The following ANTXR1 variants were observed in gnomAD, a reference collection of about 807,000 sequenced individuals.
ANTXR1 encodes the protein ANTXR cell adhesion molecule 1.
Under a neutral mutation model 78.1 loss-of-function variants are expected in ANTXR1, and 19 were observed. The ratio of observed to expected loss-of-function variants is 0.24; its 90% CI spans 0.17 to 0.36. ANTXR1 has a LOEUF of 0.36. ANTXR1 is among the 10% of genes least tolerant of loss of function. The pLI, the probability that ANTXR1 is intolerant of heterozygous loss-of-function variation, is 1.00. For synonymous variants in ANTXR1, 273 were observed against 260.5 expected (o/e 1.05, Z -0.46); for missense variants, 518 against 718.6 (o/e 0.72, Z 3.19).
At chr2:69,099,060 A>T (rs1048346187) in intron 9 of ANTXR1, among the ~76,000 whole-genome samples, 2 of 152,152 alleles carry the variant, frequency 1.3e-5, no homozygotes, top group African/African-American at 4.8e-5. Context: ...CTAATTCCAG[A>T]ATATTTTCAT....
At chr2:69,147,796 A>T (rs945122068) in intron 12 of ANTXR1, among the ~76,000 whole-genome samples, 2 of 152,286 alleles carry the variant, frequency 1.3e-5, no homozygotes, top group South Asian at 2.1e-4. Context: ...AGTGAGTTAC[A>T]TATCTTCACT....
At chr2:69,034,798 G>GT (rs1272683105) in intron 1 of ANTXR1, among the ~76,000 whole-genome samples, 1 of 152,180 alleles carries the variant, frequency 6.6e-6, no homozygotes, top group Admixed American at 6.5e-5. Context: ...TCTGAAGATG[G>GT]TATCAGGACT....
rs372156467 is a variant in ANTXR1, at chr2:69,184,621, G to A, written c.1353+1961G>A. Among the ~76,000 whole-genome samples, 15 of 152,192 alleles carry A rather than the reference G, an allele frequency of 9.9e-5. No individual in the cohort carries two copies. In the East Asian group the frequency reaches 1.5e-3, roughly 16 times the overall value. On this transcript the variant is annotated intron_variant, in intron 16 of 17. Coordinates refer to ENST00000303714, the MANE Select transcript of ANTXR1 (RefSeq NM_032208.3). ...AACATTAATTCTGTTTGAAAACTCCGGTTTCTACTTGAGAGCATAGTCCTC... is the reference window on the plus strand; with the variant it reads ...AACATTAATTCTGTTTGAAAACTCCAGTTTCTACTTGAGAGCATAGTCCTC...
intron 3 of ANTXR1, among the ~76,000 whole-genome samples, chr2:69,061,981 T>C (rs111540872): frequency 0.015 from 2,218 of 152,316 alleles, 56 homozygotes; most frequent in African/African-American, 0.051. Context: ...TCCGTGAGGC[T>C]AGTAGAGATG....
At chr2:69,154,137 G>T (rs958784074) in intron 13 of ANTXR1, among the ~76,000 whole-genome samples, 2 of 152,160 alleles carry the variant, frequency 1.3e-5, no homozygotes, top group Non-Finnish European at 2.9e-5. Context: ...GTTATTGGAA[G>T]CAATGTCACC....
intron 8 of ANTXR1, among the ~76,000 whole-genome samples, chr2:69,078,524 C>T (rs1331052244): frequency 6.6e-6 from 1 of 152,178 alleles, no homozygotes; most frequent in African/African-American, 2.4e-5. Flanking sequence ...GCTGCTCTCC[C>T]TTCAGGGTTT....
intron 12 of ANTXR1, among the ~76,000 whole-genome samples, chr2:69,149,639 G>A (rs1463512774): frequency 6.6e-6 from 1 of 152,194 alleles, no homozygotes; most frequent in Non-Finnish European, 1.5e-5. Flanking sequence ...AATGCACATA[G>A]ATTTATGATC....
intron 16 of ANTXR1, among the ~76,000 whole-genome samples, chr2:69,188,927 G>A (rs1674488505): frequency 6.6e-6 from 1 of 152,216 alleles, no homozygotes; most frequent in Non-Finnish European, 1.5e-5. Flanking sequence ...ACAGACTTCT[G>A]CCTACATTCA....
At chr2:69,146,107 G>A (rs952988411) in intron 12 of ANTXR1, 94 of 985,438 alleles carry the variant, frequency 9.5e-5, no homozygotes, top group Admixed American at 3.1e-4. Context: ...ATGAAGGAGC[G>A]GGGCTGAGCT....
intron 17 of ANTXR1, among the ~76,000 whole-genome samples, chr2:69,220,700 G>A (rs921087193): frequency 2.6e-5 from 4 of 152,226 alleles, no homozygotes; most frequent in Non-Finnish European, 5.9e-5. Context: ...TTCTTAGAAT[G>A]AATTTATGTA....
At chr2:69,231,941 A>G (rs1445159737) in intron 17 of ANTXR1, among the ~76,000 whole-genome samples, 1 of 152,118 alleles carries the variant, frequency 6.6e-6, no homozygotes, top group Admixed American at 6.6e-5. Context: ...GCACATGTGT[A>G]CTACAGGGGG....
At chr2:69,034,570 G>A (rs569403696) in intron 1 of ANTXR1, among the ~76,000 whole-genome samples, 14 of 152,248 alleles carry the variant, frequency 9.2e-5, no homozygotes, top group South Asian at 4.1e-4. Flanking sequence ...TAATGGAGTC[G>A]AAATTAGGGA....
intron 14 of ANTXR1, among the ~76,000 whole-genome samples, chr2:69,170,857 C>A (rs1053780765): frequency 6.6e-6 from 1 of 152,200 alleles, no homozygotes; most frequent in Non-Finnish European, 1.5e-5. Flanking sequence ...GAAAAAAATT[C>A]TTGGACTCTA....
intron 1 of ANTXR1, among the ~76,000 whole-genome samples, chr2:69,030,419 A>G (rs1183804050): frequency 1.3e-5 from 2 of 152,204 alleles, no homozygotes; most frequent in African/African-American, 4.8e-5. Context: ...CTTCCCACCA[A>G]CTTCTGAATA....
intron 2 of ANTXR1, 118 bp from the exon 3 acceptor site, chr2:69,044,624 G>A (rs1362949117): frequency 3.6e-6 from 4 of 1,101,052 alleles, no homozygotes; most frequent in Admixed American, 3.4e-5. Flanking sequence ...CCCCCTGTGG[G>A]TTATGGGTCT....
chr2:69,233,808 A>G (rs117854891), intron 17 of ANTXR1, among the ~76,000 whole-genome samples: 1,588 of 152,142 alleles, frequency 0.01, 103 homozygotes, highest in Admixed American at 0.093. Context: ...ATAAGTAAAT[A>G]TTAGAAATGG....
intron 10 of ANTXR1, among the ~76,000 whole-genome samples, chr2:69,113,203 T>A (rs920316582): frequency 2.0e-5 from 3 of 152,196 alleles, no homozygotes; most frequent in Non-Finnish European, 4.4e-5. Flanking sequence ...AGTCCTGCTG[T>A]CCTGCGGGGG....
In ANTXR1 at chr2:69,013,704, T is replaced by C; in HGVS notation, c.152+53T>C. 1 of 1,551,082 alleles carries C rather than the reference T, an allele frequency of 6.4e-7. No homozygotes were observed. The highest frequency in any genetic ancestry group is 2.4e-5 in the East Asian group (1 of 40,898). ...CCCAGGCTAAGCGGGCGAAAACGCT[T>C]TCGCCCCGGGCCGGGCTCGTTGGCA... is the stretch of plus-strand genomic sequence containing the variant. On this transcript the variant is annotated intron_variant, in intron 1 of 17. Transcript: ENST00000303714. The surrounding 1 kb of genome is among the most constrained non-coding windows in gnomAD (Gnocchi z 5.0).
intron 3 of ANTXR1, among the ~76,000 whole-genome samples, chr2:69,068,213 T>A (rs545442959): frequency 6.6e-6 from 1 of 152,190 alleles, no homozygotes; most frequent in Non-Finnish European, 1.5e-5. Context: ...GAAGATATAA[T>A]GGGGACCAAA....
Sources: allele counts gnomAD v4.1 joint callset (sites outside exome capture counted in the v4.1 genomes callset), GRCh38; gene constraint gnomAD v4.1.1; non-coding constraint Gnocchi (gnomAD v3.1); transcripts MANE v1.5; gene names NCBI Gene and HGNC (gene_info 2026-07-23, HGNC 2026-07-21).